The following ADAMTS12 variants were observed in gnomAD, a reference collection of about 807,000 sequenced individuals.
The protein encoded by ADAMTS12 is ADAM metallopeptidase with thrombospondin type 1 motif 12, also known as A disintegrin and metalloproteinase with thrombospondin motifs 12.
Under a neutral mutation model 167.8 loss-of-function variants are expected in ADAMTS12, and 118 were observed. The ratio of observed to expected loss-of-function variants is 0.70; its 90% CI spans 0.61 to 0.82. The LOEUF (loss-of-function observed/expected upper bound fraction) is 0.82, where lower values mean the gene tolerates loss of function less well. ADAMTS12 is among the 40% of genes least tolerant of loss of function. ADAMTS12 has a pLI of 0.00. For missense variants in ADAMTS12, 1,916 were observed against 1,998.8 expected (o/e 0.96, Z 0.79); for synonymous variants, 704 against 716.9 (o/e 0.98, Z 0.29).
intron 9 of ADAMTS12, among the ~76,000 whole-genome samples, chr5:33,643,806 A>C (rs1740561280): frequency 6.6e-6 from 1 of 152,226 alleles, no homozygotes; most frequent in African/African-American, 2.4e-5. Context: ...TCATCTATGA[A>C]AGGTAAATCT....
chr5:33,655,921 T>C (rs1348337757), intron 7 of ADAMTS12, among the ~76,000 whole-genome samples: 1 of 152,124 alleles, frequency 6.6e-6, no homozygotes, highest in African/African-American at 2.4e-5. Context: ...GGTTTTCTGT[T>C]CCTGTGTTAG....
At chr5:33,580,335 G>A (rs778418071) in intron 18 of ADAMTS12, among the ~76,000 whole-genome samples, 12 of 152,124 alleles carry the variant, frequency 7.9e-5, no homozygotes, top group East Asian at 1.9e-4. Context: ...TTCACATGGC[G>A]GCAGGAGAGA....
chr5:33,750,682 T>G (rs1744941682), intron 3 of ADAMTS12, among the ~76,000 whole-genome samples: 1 of 152,198 alleles, frequency 6.6e-6, no homozygotes, highest in Non-Finnish European at 1.5e-5. Context: ...AACTAATGCA[T>G]AGCTTATTAT....
Position 33,683,014 on chromosome 5 carries a change from T to C in ADAMTS12, c.915+4A>G, listed in dbSNP as rs1357794852. On this transcript the variant is annotated splice_donor_region_variant and intron_variant, in intron 5 of 23. Transcript: ENST00000504830. Reference sequence around the variant, plus strand: ...AGCAGAAGAGTGAAGGGAAAAAATGTTACCTCTTCTTCTTCGAGTAGAATG... The same window carrying C: ...AGCAGAAGAGTGAAGGGAAAAAATGCTACCTCTTCTTCTTCGAGTAGAATG... The C allele has an allele frequency of 6.2e-7, 1 of 1,611,850 alleles. No homozygotes were observed. Among genetic ancestry groups the C allele is most frequent in the East Asian group, 2.2e-5 (1 of 44,752 alleles).
intron 3 of ADAMTS12, among the ~76,000 whole-genome samples, chr5:33,735,699 G>C (rs1473140671): frequency 1.3e-5 from 2 of 152,078 alleles, no homozygotes; most frequent in Non-Finnish European, 2.9e-5. Flanking sequence ...GCCTAATCGG[G>C]GAAGTACACC....
At chr5:33,651,975 C>A (rs1481359262) in intron 7 of ADAMTS12, among the ~76,000 whole-genome samples, 1 of 152,114 alleles carries the variant, frequency 6.6e-6, no homozygotes, top group Non-Finnish European at 1.5e-5. Context: ...TGATTTCATT[C>A]TTTTTTATGG....
At chr5:33,738,471 G>T (rs1028987322) in intron 3 of ADAMTS12, among the ~76,000 whole-genome samples, 1 of 152,206 alleles carries the variant, frequency 6.6e-6, no homozygotes, top group Non-Finnish European at 1.5e-5. Context: ...CAGGGGAAAT[G>T]AGACCAAAAG....
intron 17 of ADAMTS12, 28 bp downstream of exon 17, chr5:33,595,906 C>A (rs1172950401): frequency 1.9e-6 from 3 of 1,613,194 alleles, no homozygotes; most frequent in Non-Finnish European, 2.5e-6. Flanking sequence ...GGCAGACACA[C>A]AGAGCTCCAG....
chr5:33,801,032 A>T (rs1191585033), intron 2 of ADAMTS12, among the ~76,000 whole-genome samples: 1 of 152,214 alleles, frequency 6.6e-6, no homozygotes, highest in East Asian at 1.9e-4. Context: ...AAGGTGCTGG[A>T]ACCATGGAGT....
At chr5:33,673,122 C>T (rs1333465174) in intron 5 of ADAMTS12, among the ~76,000 whole-genome samples, 1 of 152,146 alleles carries the variant, frequency 6.6e-6, no homozygotes, top group African/African-American at 2.4e-5. Flanking sequence ...ATAACCTCTT[C>T]TTTCGAGATT....
intron 2 of ADAMTS12, among the ~76,000 whole-genome samples, chr5:33,802,152 T>C (rs1325679841): frequency 6.6e-6 from 1 of 152,226 alleles, no homozygotes; most frequent in Non-Finnish European, 1.5e-5. Flanking sequence ...AGCATCTTGA[T>C]CTTGGACTTT....
intron 2 of ADAMTS12, among the ~76,000 whole-genome samples, chr5:33,852,784 T>A (rs1749264796): frequency 6.6e-6 from 1 of 152,222 alleles, no homozygotes; most frequent in Admixed American, 6.5e-5. Context: ...GTCATTTGTA[T>A]GTGTTTGTTG....
At chr5:33,542,103 C>T (rs541177857) in intron 22 of ADAMTS12, among the ~76,000 whole-genome samples, 1 of 151,444 alleles carries the variant, frequency 6.6e-6, no homozygotes, top group Admixed American at 6.6e-5. Context: ...ATCTCACATG[C>T]AGAGAAACAC....
At chr5:33,667,541 G>A (rs1373518944) in intron 5 of ADAMTS12, among the ~76,000 whole-genome samples, 2 of 152,018 alleles carry the variant, frequency 1.3e-5, no homozygotes, top group Non-Finnish European at 2.9e-5. Context: ...ACTTTGCTGT[G>A]GTGGATGGGA....
intron 5 of ADAMTS12, among the ~76,000 whole-genome samples, chr5:33,673,993 C>A (rs1741811881): frequency 1.3e-5 from 2 of 152,202 alleles, no homozygotes; most frequent in Admixed American, 1.3e-4. Context: ...GTTCACAGCA[C>A]TTGCTGTGCA....
chr5:33,575,190 C>T (rs114019368), intron 19 of ADAMTS12, among the ~76,000 whole-genome samples: 1,880 of 151,702 alleles, frequency 0.012, 34 homozygotes, highest in African/African-American at 0.044. Context: ...TCAAACAAAC[C>T]AAAAAGAAAA....
rs1164141720 is a variant in ADAMTS12 at position 33,616,190 on chromosome 5, G to A, written c.2144-118C>T. On this transcript the variant is annotated intron_variant, in intron 14 of 23. Coordinates refer to ENST00000504830, the MANE Select transcript of ADAMTS12 (RefSeq NM_030955.4). ...CTCCCCATCATTTAGTGACCTTGCT[G>A]GGTGGCCACTGGAATTGGCAGAAGC... is the stretch of plus-strand genomic sequence containing the variant. 10 of 1,401,710 alleles carry A rather than the reference G, an allele frequency of 7.1e-6. No individual in the cohort carries two copies. In the African/African-American group the frequency reaches 1.3e-4, roughly 18 times the overall value. 86.8% of individuals were successfully genotyped at this position (1,401,710 alleles called of 1,614,324 possible). A position where few individuals can be genotyped will look rare whatever the true frequency, so the allele number is the denominator to read the frequency against.
At chr5:33,720,671 G>A (rs4866377) in intron 3 of ADAMTS12, among the ~76,000 whole-genome samples, 95,921 of 152,080 alleles carry the variant, frequency 0.63, 31,201 homozygotes, top group Non-Finnish European at 0.71. Flanking sequence ...TCCATGTGCA[G>A]TTTGTCATCC....
At chr5:33,816,532 C>G (rs150752285) in intron 2 of ADAMTS12, among the ~76,000 whole-genome samples, 2 of 152,300 alleles carry the variant, frequency 1.3e-5, no homozygotes, top group Non-Finnish European at 2.9e-5. Flanking sequence ...CCCCATTCTA[C>G]TCTCTGCTTC....
Sources: gnomAD v4.1 joint callset for allele counts (sites outside exome capture counted in the v4.1 genomes callset) on GRCh38, gnomAD v4.1.1 for gene constraint, MANE v1.5 for transcripts, NCBI Gene and HGNC (gene_info 2026-07-23, HGNC 2026-07-21) for gene names.